Variants in PPM1B observed in about 807,000 individuals in gnomAD.
PPM1B encodes protein phosphatase 1B.
A neutral mutation model predicts 43.0 loss-of-function variants in PPM1B; 22 were observed. That is an observed-to-expected ratio of 0.51 (90% CI 0.37 to 0.73). PPM1B has a LOEUF of 0.73. Among genes scored for constraint, PPM1B ranks in the 30% least tolerant of loss-of-function variants. The probability of loss-of-function intolerance (pLI) is 0.00; values close to 1 mark genes in which losing one functional copy is unlikely to be tolerated. For synonymous variants in PPM1B, 217 were observed against 197.9 expected, an observed-to-expected ratio of 1.10 and a Z score of -0.81; for missense variants, 632 against 584.2, an observed-to-expected ratio of 1.08 and a Z score of -0.84.
At chr2:44,209,697 A>C (rs990054519) in intron 3 of PPM1B, among the ~76,000 whole-genome samples, 1 of 151,830 alleles carries the variant, frequency 6.6e-6, no homozygotes, top group African/African-American at 2.4e-5. Context: ...GCATTGCTTG[A>C]ATCTGGGAGG....
chr2:44,229,087 C>T (rs1033402651), intron 5 of PPM1B, among the ~76,000 whole-genome samples: 5 of 151,456 alleles, frequency 3.3e-5, no homozygotes, highest in African/African-American at 1.2e-4. Flanking sequence ...GAGGCTGAGG[C>T]AGGAGAATCG....
chr2:44,176,850 C>T (rs1667605101), intron 1 of PPM1B, among the ~76,000 whole-genome samples: 1 of 152,150 alleles, frequency 6.6e-6, no homozygotes, highest in African/African-American at 2.4e-5. Context: ...GGTGCAATCT[C>T]GGCTCATTGC....
At chr2:44,236,727 C>A (rs1670634741), downstream of PPM1B, among the ~76,000 whole-genome samples, 1 of 152,106 alleles carries the variant, frequency 6.6e-6, no homozygotes, top group African/African-American at 2.4e-5. Context: ...TGGAACATGT[C>A]CATCAAATAT....
At chr2:44,176,959 T>C (rs985706457) in intron 1 of PPM1B, among the ~76,000 whole-genome samples, 6 of 152,318 alleles carry the variant, frequency 3.9e-5, no homozygotes, top group Admixed American at 3.3e-4. Flanking sequence ...TTTGTATTTT[T>C]CGTAGAGACG....
rs1276164299 is a variant in PPM1B, at chr2:44,231,253, T to G, written c.*535T>G. On this transcript the variant is annotated 3_prime_UTR_variant, in exon 6 of 6. Coordinates refer to ENST00000282412, the MANE Select transcript of PPM1B (RefSeq NM_002706.6). ...TATATTTTACATCTCTGTAGTTTTATTTTTAGAAGTTGTGAGATATTGGAT... is the reference window on the plus strand; with the variant it reads ...TATATTTTACATCTCTGTAGTTTTAGTTTTAGAAGTTGTGAGATATTGGAT... The G allele has an allele frequency of 1.0e-6, 1 of 978,230 alleles. No individual in the cohort carries two copies. Among genetic ancestry groups the G allele is most frequent in the African/African-American group, 1.8e-5 (1 of 57,084 alleles). The allele number at this position is 978,230 out of a possible 1,614,324, so 60.6% of individuals were successfully genotyped here.
At chr2:44,231,839 G>C (rs1670478038), downstream of PPM1B, among the ~76,000 whole-genome samples, 1 of 152,078 alleles carries the variant, frequency 6.6e-6, no homozygotes, top group African/African-American at 2.4e-5. Flanking sequence ...TAAAATAGTG[G>C]CAGATGAGAG....
chr2:44,229,011 T>C (rs996806830), intron 5 of PPM1B, among the ~76,000 whole-genome samples: 2 of 151,986 alleles, frequency 1.3e-5, no homozygotes, highest in Admixed American at 6.6e-5. Flanking sequence ...GGAGAAACCC[T>C]GTCTCTACTA....
intron 3 of PPM1B, among the ~76,000 whole-genome samples, chr2:44,212,918 CAGG>C (rs1669545788): frequency 6.7e-6 from 1 of 149,622 alleles, no homozygotes; most frequent in Admixed American, 6.8e-5. Flanking sequence ...GAGGCTGAGG[CAGG>C]AGAATGGTGT....
At chr2:44,218,747 C>G (rs573171509) in intron 5 of PPM1B, 1 of 484,186 alleles carries the variant, frequency 2.1e-6, no homozygotes, top group East Asian at 4.2e-5. Context: ...GTTTTGTTGT[C>G]ACTTTCTGGG....
At position 44,218,023 on chromosome 2, in the gene PPM1B, A is replaced by G. The variant is rs1669803632; in HGVS notation, c.1021A>G (p.Ile341Val). 1 of 1,613,148 alleles carries G rather than the reference A, an allele frequency of 6.2e-7. No individual in the cohort carries two copies. Among genetic ancestry groups the G allele is most frequent in the African/African-American group, 1.3e-5 (1 of 74,862 alleles). Residue 341 changes from isoleucine to valine, a missense_variant, in exon 4 of 6, where the codon ATC (isoleucine) becomes GTC (valine). Physicochemically the swap from Ile to Val is conservative, Grantham distance 29. This residue lies in a region of PPM1B where 392 missense variants were observed against 302.7 expected (regional missense o/e 1.29). Transcript: ENST00000282412. ...GMPDLAHVMR[I>V]LSAENIPNLP... is the part of the protein sequence containing the mutation. ...GCCTGATCTTGCCCATGTCATGCGC[A>G]TCTTGTCTGCAGAAAATATCCCAAA...
chr2:44,232,389 G>A, downstream of PPM1B: 1 of 1,592,808 alleles, frequency 6.3e-7, no homozygotes, highest in African/African-American at 1.4e-5. Flanking sequence ...AAAATTGGGG[G>A]AAAAAACTTT....
intron 1 of PPM1B, among the ~76,000 whole-genome samples, chr2:44,194,702 G>A (rs1265841448): frequency 2.0e-5 from 3 of 151,090 alleles, no homozygotes; most frequent in East Asian, 2.0e-4. Flanking sequence ...CAGCCTGGGC[G>A]ACAGAGGAAG....
At chr2:44,241,953 G>C (rs891008619) in intron 5 of PPM1B, among the ~76,000 whole-genome samples, 2 of 125,800 alleles carry the variant, frequency 1.6e-5, no homozygotes, top group African/African-American at 5.9e-5. Flanking sequence ...CCGCCTCCCA[G>C]GTTCACGCCA....
chr2:44,176,705 T>C (rs1305347020), intron 1 of PPM1B, among the ~76,000 whole-genome samples: 1 of 152,206 alleles, frequency 6.6e-6, no homozygotes, highest in Non-Finnish European at 1.5e-5. Context: ...CTTTCATCTT[T>C]TTGTTCTTAT....
chr2:44,209,575 G>A (rs773731842), intron 3 of PPM1B: 58 of 355,804 alleles, frequency 1.6e-4, no homozygotes, highest in Non-Finnish European at 2.6e-4. Context: ...AGGTCAGATC[G>A]ACACCATCCT....
intron 1 of PPM1B, among the ~76,000 whole-genome samples, chr2:44,191,582 GT>G (rs894117348): frequency 1.3e-5 from 2 of 152,060 alleles, no homozygotes; most frequent in Non-Finnish European, 2.9e-5. Flanking sequence ...CAGCTACTTT[GT>G]TTTGATTTAC....
chr2:44,204,520 A>G, intron 2 of PPM1B, among the ~76,000 whole-genome samples: 1 of 152,164 alleles, frequency 6.6e-6, no homozygotes, highest in East Asian at 1.9e-4. Flanking sequence ...GGAGGTTATC[A>G]TAATCATAAT....
intron 5 of PPM1B, among the ~76,000 whole-genome samples, chr2:44,225,024 A>G (rs1301358999): frequency 2.0e-5 from 3 of 152,196 alleles, no homozygotes; most frequent in Non-Finnish European, 4.4e-5. Flanking sequence ...ATACCTGTGC[A>G]CAAATCAGAG....
At chr2:44,188,815 C>G (rs1425771642) in intron 1 of PPM1B, among the ~76,000 whole-genome samples, 1 of 149,878 alleles carries the variant, frequency 6.7e-6, no homozygotes, top group East Asian at 2.0e-4. Flanking sequence ...TCCCCTCCCC[C>G]TCCCCCTACC....
Sources: allele counts gnomAD v4.1 joint callset (sites outside exome capture counted in the v4.1 genomes callset), GRCh38; gene constraint gnomAD v4.1.1; regional missense constraint gnomAD v4.1.1; transcripts MANE v1.5; gene names NCBI Gene and HGNC (gene_info 2026-07-23, HGNC 2026-07-21).